HIVEP3: variants seen among roughly 807,000 people sequenced by gnomAD.
HIVEP3 encodes HIVEP zinc finger 3, also known as transcription factor HIVEP3.
Under a neutral mutation model 152.8 loss-of-function variants are expected in HIVEP3, and 49 were observed. The observed-to-expected ratio is 0.32, with a 90% CI of 0.26 to 0.41. HIVEP3 has a LOEUF of 0.41. HIVEP3 is among the 10% of genes least tolerant of loss of function. The pLI is 1.00. For missense variants in HIVEP3, 2,790 were observed against 3,103.3 expected (o/e 0.90, Z 2.40); for synonymous variants, 1,269 against 1,289.0 (o/e 0.98, Z 0.33).
intron 3 of HIVEP3, among the ~76,000 whole-genome samples, chr1:41,620,262 C>G (rs1645027920): frequency 6.6e-6 from 1 of 152,204 alleles, no homozygotes; most frequent in Middle Eastern, 3.2e-3. Context: ...GCCAGGAGCA[C>G]AAACCTCAAG....
chr1:41,580,619 A>G lies in HIVEP3; in HGVS notation c.4179T>C (p.Thr1393=). The change falls in exon 4 of 9, where the codon ACT becomes ACC. Residue 1393 remains threonine, a synonymous_variant. Coordinates refer to ENST00000372583, the MANE Select transcript of HIVEP3 (RefSeq NM_024503.5). ...ATGTCACAGGCACTCTCAGGTATGGAGTTGGGAAAGCTCTGCTTTGCTCTT... is the reference window on the plus strand; with the variant it reads ...ATGTCACAGGCACTCTCAGGTATGGGGTTGGGAAAGCTCTGCTTTGCTCTT... ...LSEEQSRAFP[T]PYLRVPVTLP... 1 of 1,614,078 alleles carries G rather than the reference A, an allele frequency of 6.2e-7. No homozygotes were observed.
chr1:41,939,724 A>T (rs959072088), intron 1 of HIVEP3, among the ~76,000 whole-genome samples: 3 of 152,178 alleles, frequency 2.0e-5, no homozygotes, highest in African/African-American at 7.2e-5. Flanking sequence ...TTATTACATA[A>T]ATACAAAGAT....
chr1:41,767,907 T>G (rs1192076570), intron 1 of HIVEP3, among the ~76,000 whole-genome samples: 1 of 152,250 alleles, frequency 6.6e-6, no homozygotes, highest in Non-Finnish European at 1.5e-5. Context: ...CAGGATTCAT[T>G]TTTACCTCGT....
intron 1 of HIVEP3, among the ~76,000 whole-genome samples, chr1:41,810,576 C>G (rs1021681661): frequency 1.3e-5 from 2 of 152,230 alleles, no homozygotes; most frequent in Non-Finnish European, 2.9e-5. Context: ...CCACACTGAT[C>G]CTGGTAGGTT....
In HIVEP3 at chr1:41,519,592, G is replaced by GAGTC. The variant is rs1642701875; in HGVS notation, c.5384-1108_5384-1105dup. On this transcript the variant is annotated intron_variant, in intron 6 of 8. Transcript: ENST00000372583. ...TAACATCATAAGTCATAAGTTCCCT[G>GAGTC]AGTCAGGTGCTCTGTCCCATTAGTC... Among the ~76,000 whole-genome samples the GAGTC allele has an allele frequency of 3.3e-5, 5 of 152,356 alleles. No homozygotes were observed. In the South Asian group the frequency reaches 1.0e-3, roughly 32 times the overall value.
intron 1 of HIVEP3, among the ~76,000 whole-genome samples, chr1:41,706,440 C>T (rs1028121992): frequency 4.6e-5 from 7 of 152,188 alleles, no homozygotes; most frequent in African/African-American, 9.6e-5. Flanking sequence ...CACCACCACA[C>T]CTCGCTAATT....
At chr1:41,767,543 C>T (rs906691226) in intron 1 of HIVEP3, among the ~76,000 whole-genome samples, 1 of 152,188 alleles carries the variant, frequency 6.6e-6, no homozygotes, top group Non-Finnish European at 1.5e-5. Flanking sequence ...GGTCCTTCTG[C>T]AGCCCTGCCT....
intron 1 of HIVEP3, among the ~76,000 whole-genome samples, chr1:41,705,482 T>C (rs1646419427): frequency 6.6e-6 from 1 of 152,104 alleles, no homozygotes; most frequent in South Asian, 2.1e-4. Flanking sequence ...CAGAAACATG[T>C]TTGCTTGTAT....
intron 2 of HIVEP3, among the ~76,000 whole-genome samples, chr1:41,632,939 G>A (rs557185596): frequency 6.6e-6 from 1 of 152,190 alleles, no homozygotes; most frequent in Non-Finnish European, 1.5e-5. Context: ...GGATGTGGTG[G>A]TGCTGTGAAG....
chr1:41,987,554 T>A (rs2124514191), intron 1 of HIVEP3, among the ~76,000 whole-genome samples: 1 of 152,272 alleles, frequency 6.6e-6, no homozygotes, highest in South Asian at 2.1e-4. Context: ...AGCCTGGTAC[T>A]AGCACAAAAA....
intron 1 of HIVEP3, among the ~76,000 whole-genome samples, chr1:41,832,042 A>T (rs935162988): frequency 3.9e-5 from 6 of 152,164 alleles, no homozygotes; most frequent in African/African-American, 1.4e-4. Context: ...ATTTTCTTAA[A>T]ATTCAGATTC....
intron 3 of HIVEP3, among the ~76,000 whole-genome samples, chr1:41,586,304 T>C (rs1478299095): frequency 6.6e-6 from 1 of 152,070 alleles, no homozygotes; most frequent in Non-Finnish European, 1.5e-5. Flanking sequence ...AGGAACAGGG[T>C]CGGAATCCCA....
intron 1 of HIVEP3, among the ~76,000 whole-genome samples, chr1:41,902,202 G>C (rs1644636969): frequency 6.6e-6 from 1 of 152,136 alleles, no homozygotes. Context: ...GGGAATTTGA[G>C]GCATTTTCTG....
intron 1 of HIVEP3, among the ~76,000 whole-genome samples, chr1:41,801,282 C>T (rs1464453877): frequency 2.6e-5 from 4 of 152,192 alleles, no homozygotes; most frequent in Admixed American, 2.0e-4. Context: ...CTCCCTTGCC[C>T]CAGGTAATTC....
intron 5 of HIVEP3, among the ~76,000 whole-genome samples, chr1:41,549,321 C>T (rs1269888537): frequency 6.6e-6 from 1 of 152,124 alleles, no homozygotes; most frequent in East Asian, 1.9e-4. Flanking sequence ...GTGAATAATG[C>T]CACAATAAAC....
intron 5 of HIVEP3, among the ~76,000 whole-genome samples, chr1:41,534,883 G>A (rs12092344): frequency 0.064 from 9,762 of 152,224 alleles, 1,067 homozygotes; most frequent in African/African-American, 0.22. Flanking sequence ...CTCAGAGCGG[G>A]AGAGGTGGGC....
rs538467097 is a variant in HIVEP3, at chr1:42,003,077, C to CT, written n.119+32729dup. 7.5e-3 allele frequency among the ~76,000 whole-genome samples: 1,126 copies of CT among 150,740 alleles called. 16 individuals carry two copies. Among genetic ancestry groups the CT allele is most frequent in the African/African-American group, 0.026 (1,086 of 41,104 alleles). On this transcript the variant is annotated intron_variant and non_coding_transcript_variant, in intron 1 of 3. Coordinates refer to the HIVEP3 transcript ENST00000489103. ...TATTTAAAGCTGACTTCTCTTTTTT[C>CT]TTTTTTTTTAATTTTTGAGATGAAG... is the stretch of plus-strand genomic sequence containing the variant.
At chr1:41,622,316 G>A (rs1193840503) in intron 3 of HIVEP3, among the ~76,000 whole-genome samples, 10 of 152,168 alleles carry the variant, frequency 6.6e-5, no homozygotes, top group African/African-American at 2.2e-4. Flanking sequence ...TCAGGGGGCA[G>A]GGAAGGAAAA....
chr1:41,587,463 A>C (rs1423449119), intron 3 of HIVEP3, among the ~76,000 whole-genome samples: 2 of 152,188 alleles, frequency 1.3e-5, no homozygotes, highest in Non-Finnish European at 2.9e-5. Context: ...ATGAAATGGG[A>C]ACTACTAACA....
Sources: gnomAD v4.1 joint callset for allele counts (sites outside exome capture counted in the v4.1 genomes callset) on GRCh38, gnomAD v4.1.1 for gene constraint, MANE v1.5 for transcripts, NCBI Gene and HGNC (gene_info 2026-07-23, HGNC 2026-07-21) for gene names.